Variants in BTBD9 observed in about 807,000 individuals in gnomAD.
The protein encoded by BTBD9 is BTB domain containing 9.
In BTBD9, 49 loss-of-function variants were observed where a neutral mutation model predicts 64.3. The ratio of observed to expected loss-of-function variants is 0.76; its 90% CI spans 0.61 to 0.97. The LOEUF is 0.97. Ranked by LOEUF, BTBD9 falls within the 50% of genes least tolerant of loss-of-function variation. BTBD9 has a pLI of 0.00. For missense variants in BTBD9, 598 were observed against 762.1 expected (o/e 0.78, Z 2.53); for synonymous variants, 260 against 274.7 (o/e 0.95, Z 0.53).
At chr6:38,634,863 C>T (rs747233955) in intron 1 of BTBD9, among the ~76,000 whole-genome samples, 6 of 152,112 alleles carry the variant, frequency 3.9e-5, no homozygotes, top group South Asian at 2.1e-4. Context: ...ATAAGCTCTA[C>T]GAAATTGGAA....
intron 9 of BTBD9, among the ~76,000 whole-genome samples, chr6:38,214,829 C>T (rs1006386692): frequency 6.6e-6 from 1 of 152,180 alleles, no homozygotes; most frequent in African/African-American, 2.4e-5. Flanking sequence ...CCATAAGACA[C>T]AAGAAAATAT....
chr6:38,543,187 G>C lies in BTBD9; in HGVS notation c.1154+34413C>G, dbSNP rs952460255. ...ATGGGTGACTCTTCCCTGTCATTCA[G>C]GTGTTAGCTCAAATATGACCTTCTA... On this transcript the variant is annotated intron_variant, in intron 6 of 10. Transcript: ENST00000481247. Among the ~76,000 whole-genome samples the C allele has an allele frequency of 2.0e-5, 3 of 152,100 alleles. No homozygotes were observed. The South Asian group carries it at 6.2e-4, about 32-fold the overall frequency.
intron 6 of BTBD9, among the ~76,000 whole-genome samples, chr6:38,374,298 T>TATATATATATATATACAC (rs1562095366): frequency 2.0e-5 from 1 of 50,828 alleles, no homozygotes; most frequent in African/African-American, 2.0e-4. Context: ...TATATATATG[T>TATATATATATATATACAC]ATATATATGT....
At chr6:38,373,116 C>G (rs1167945962) in intron 6 of BTBD9, among the ~76,000 whole-genome samples, 1 of 152,150 alleles carries the variant, frequency 6.6e-6, no homozygotes, top group Admixed American at 6.5e-5. Flanking sequence ...TTGGTAGATA[C>G]ATATTCACAA....
chr6:38,317,454 T>G (rs554120540), intron 7 of BTBD9, among the ~76,000 whole-genome samples: 1 of 152,322 alleles, frequency 6.6e-6, no homozygotes, highest in Admixed American at 6.5e-5. Flanking sequence ...CTTTGGGAAT[T>G]TGATTATTAA....
chr6:38,549,491 G>A (rs1197003983), intron 6 of BTBD9, among the ~76,000 whole-genome samples: 1 of 151,724 alleles, frequency 6.6e-6, no homozygotes, highest in African/African-American at 2.4e-5. Flanking sequence ...TACTATTTGA[G>A]AATCAAGAAG....
intron 9 of BTBD9, among the ~76,000 whole-genome samples, chr6:38,255,926 G>C (rs9470841): frequency 0.066 from 10,102 of 152,098 alleles, 361 homozygotes; most frequent in Middle Eastern, 0.075. Flanking sequence ...CGTGGGGTTG[G>C]GGGGGTAGGA....
At chr6:38,200,943 C>A (rs374769784) in intron 9 of BTBD9, among the ~76,000 whole-genome samples, 5 of 152,036 alleles carry the variant, frequency 3.3e-5, no homozygotes, top group African/African-American at 1.2e-4. Context: ...CTGCTTGAGT[C>A]TGGGAGTTTG....
intron 1 of BTBD9, among the ~76,000 whole-genome samples, chr6:38,615,577 G>C (rs1000177746): frequency 6.6e-6 from 1 of 152,074 alleles, no homozygotes; most frequent in Non-Finnish European, 1.5e-5. Flanking sequence ...AGAATGTTTT[G>C]TTCCCAAAGC....
intron 7 of BTBD9, among the ~76,000 whole-genome samples, chr6:38,304,593 T>C (rs1762555564): frequency 6.6e-6 from 1 of 151,016 alleles, no homozygotes; most frequent in African/African-American, 2.4e-5. Context: ...AAGAATACCA[T>C]CTCTCTTAAT....
intron 7 of BTBD9, among the ~76,000 whole-genome samples, chr6:38,292,038 T>G (rs956096880): frequency 1.3e-5 from 2 of 152,056 alleles, no homozygotes; most frequent in African/African-American, 4.8e-5. Context: ...CTCAGCTCAC[T>G]GCAGCCTCCG....
At chr6:38,435,680 T>C (rs1279669654) in intron 6 of BTBD9, among the ~76,000 whole-genome samples, 1 of 132,906 alleles carries the variant, frequency 7.5e-6, no homozygotes, top group East Asian at 2.6e-4. Context: ...TCTCTTTCTT[T>C]CTCTCTGAGA....
intron 6 of BTBD9, among the ~76,000 whole-genome samples, chr6:38,468,286 AAGTTCT>A: frequency 6.6e-6 from 1 of 152,118 alleles, no homozygotes; most frequent in East Asian, 1.9e-4. Context: ...GGCATATTCA[AAGTTCT>A]ATTCTGACCC....
rs190454728 is a variant in BTBD9, at chr6:38,417,523, T to C, written c.1155-72430A>G. On this transcript the variant is annotated intron_variant, in intron 6 of 10. Transcript: ENST00000481247. ...GTGCAGTGGCTCACATCTGTAATCC[T>C]AGAACTTCGGGAGGCTGAGGCTAGT... Among the ~76,000 whole-genome samples the C allele has an allele frequency of 2.0e-5, 3 of 152,318 alleles. No homozygotes were observed. The East Asian group carries it at 5.8e-4, about 29-fold the overall frequency.
intron 6 of BTBD9, among the ~76,000 whole-genome samples, chr6:38,462,262 GT>G (rs1208596890): frequency 6.6e-6 from 1 of 151,990 alleles, no homozygotes; most frequent in Non-Finnish European, 1.5e-5. Context: ...TTTCTCTTAC[GT>G]TTTCTTTTTC....
intron 6 of BTBD9, among the ~76,000 whole-genome samples, chr6:38,416,799 T>C (rs189978081): frequency 2.8e-4 from 42 of 152,266 alleles, no homozygotes; most frequent in African/African-American, 9.4e-4. Flanking sequence ...TGTCCTCCTC[T>C]CCAGCCCTCA....
intron 6 of BTBD9, among the ~76,000 whole-genome samples, chr6:38,556,046 T>A (rs1467262456): frequency 2.0e-5 from 3 of 152,310 alleles, no homozygotes; most frequent in African/African-American, 7.2e-5. Flanking sequence ...TTACTTCTGT[T>A]TCCCTATGCA....
chr6:38,426,660 G>A (rs1284540411), intron 6 of BTBD9, among the ~76,000 whole-genome samples: 1 of 151,928 alleles, frequency 6.6e-6, no homozygotes, highest in Non-Finnish European at 1.5e-5. Context: ...GCTTGCCATT[G>A]TTCCTGCATG....
At chr6:38,182,185 A>G (rs1761586401) in intron 10 of BTBD9, among the ~76,000 whole-genome samples, 1 of 152,100 alleles carries the variant, frequency 6.6e-6, no homozygotes. Flanking sequence ...AAAACTTTAC[A>G]ATATCATTTT....
Sources: gnomAD v4.1 joint callset for allele counts (sites outside exome capture counted in the v4.1 genomes callset) on GRCh38, gnomAD v4.1.1 for gene constraint, MANE v1.5 for transcripts, NCBI Gene and HGNC (gene_info 2026-07-23, HGNC 2026-07-21) for gene names.